Variants in NCALD observed in about 807,000 individuals in gnomAD.
NCALD encodes the protein neurocalcin delta.
A neutral mutation model predicts 18.6 loss-of-function variants in NCALD; 10 were observed. The observed-to-expected ratio is 0.54, with a 90% CI of 0.33 to 0.91. The LOEUF (loss-of-function observed/expected upper bound fraction) is 0.91. Ranked by LOEUF, NCALD falls within the 40% of genes least tolerant of loss-of-function variation. The pLI, the probability that NCALD is intolerant of heterozygous loss-of-function variation, is 0.03. For missense variants in NCALD, 184 were observed against 247.6 expected (o/e 0.74, Z 1.72); for synonymous variants, 88 against 87.4 (o/e 1.01, Z -0.04).
intron 1 of NCALD, among the ~76,000 whole-genome samples, chr8:101,724,565 T>C (rs1021366679): frequency 2.6e-5 from 4 of 152,212 alleles, no homozygotes; most frequent in African/African-American, 9.6e-5. Context: ...ATGTGAGAGT[T>C]AAATGAGACA....
At chr8:101,940,263 G>A (rs182199525) in intron 2 of NCALD, among the ~76,000 whole-genome samples, 70 of 152,234 alleles carry the variant, frequency 4.6e-4, no homozygotes, top group African/African-American at 1.7e-3. Flanking sequence ...ATTCCCTTAG[G>A]TGGCAATAGG....
intron 2 of NCALD, among the ~76,000 whole-genome samples, chr8:101,701,277 T>C (rs542701417): frequency 6.6e-6 from 1 of 152,344 alleles, no homozygotes; most frequent in Admixed American, 6.5e-5. Flanking sequence ...TGTCTTTTAC[T>C]AGCTTCAGTC....
At chr8:102,102,070 T>TG (rs1825301190) in intron 1 of NCALD, among the ~76,000 whole-genome samples, 1 of 152,212 alleles carries the variant, frequency 6.6e-6, no homozygotes, top group Non-Finnish European at 1.5e-5. Flanking sequence ...GTAGTGTTTT[T>TG]CTTATTATTG....
intron 2 of NCALD, among the ~76,000 whole-genome samples, chr8:101,922,151 A>T (rs2131657165): frequency 6.9e-6 from 1 of 144,498 alleles, no homozygotes; most frequent in South Asian, 2.1e-4. Context: ...TTGAGATTTT[A>T]CTGAAAAAAA....
At chr8:101,791,465 T>C (rs1021730847), upstream of NCALD, among the ~76,000 whole-genome samples, 2 of 151,984 alleles carry the variant, frequency 1.3e-5, no homozygotes, top group Admixed American at 6.6e-5. Context: ...TGGAAGAAAA[T>C]GTATTTTAAA....
intron 4 of NCALD, among the ~76,000 whole-genome samples, chr8:101,845,683 C>T (rs549318069): frequency 8.5e-5 from 13 of 152,260 alleles, no homozygotes; most frequent in Non-Finnish European, 1.6e-4. Flanking sequence ...TGGAACATTC[C>T]AAATCTTCTC....
At chr8:101,911,339 TCTC>T (rs1346165019) in intron 3 of NCALD, among the ~76,000 whole-genome samples, 1 of 149,496 alleles carries the variant, frequency 6.7e-6, no homozygotes, top group Non-Finnish European at 1.5e-5. Context: ...CTTATGAATT[TCTC>T]TTTTCTTTTT....
chr8:101,931,432 A>G (rs1818568137), intron 2 of NCALD, among the ~76,000 whole-genome samples: 1 of 152,166 alleles, frequency 6.6e-6, no homozygotes, highest in Non-Finnish European at 1.5e-5. Flanking sequence ...AAATTCTACC[A>G]AGGCAATACC....
intron 1 of NCALD, among the ~76,000 whole-genome samples, chr8:102,119,289 G>A (rs1825877828): frequency 6.6e-6 from 1 of 152,026 alleles, no homozygotes; most frequent in Non-Finnish European, 1.5e-5. Context: ...TGATCTCTGG[G>A]GACATTATTA....
At chr8:101,751,911 ATTAT>A (rs1810677059) in intron 1 of NCALD, among the ~76,000 whole-genome samples, 1 of 152,214 alleles carries the variant, frequency 6.6e-6, no homozygotes, top group African/African-American at 2.4e-5. Context: ...GACCACGAAT[ATTAT>A]TTATTTCCAA....
chr8:101,988,399 G>C (rs1820909834), intron 2 of NCALD, among the ~76,000 whole-genome samples: 1 of 152,160 alleles, frequency 6.6e-6, no homozygotes. Flanking sequence ...CCAGACTTTA[G>C]AGCCAGATCA....
At chr8:101,897,658 C>G (rs1439187205) in intron 3 of NCALD, among the ~76,000 whole-genome samples, 2 of 151,876 alleles carry the variant, frequency 1.3e-5, no homozygotes, top group African/African-American at 4.8e-5. Context: ...TTTTCACATT[C>G]CAAAGTTTAT....
At chr8:101,852,532 C>G (rs1815140575) in intron 4 of NCALD, 1 of 152,236 alleles carries the variant, frequency 6.6e-6, no homozygotes, top group African/African-American at 2.4e-5. Flanking sequence ...GCCATTCAGT[C>G]TCCATCTTTG....
At chr8:102,122,181 A>G (rs896232275) in intron 1 of NCALD, among the ~76,000 whole-genome samples, 1 of 152,206 alleles carries the variant, frequency 6.6e-6, no homozygotes, top group Non-Finnish European at 1.5e-5. Context: ...GCTGCCAAGA[A>G]TGCATAGGAG....
chr8:102,057,833 A>G (rs1823707410), intron 1 of NCALD, among the ~76,000 whole-genome samples: 1 of 152,222 alleles, frequency 6.6e-6, no homozygotes, highest in Admixed American at 6.5e-5. Context: ...ACTCACATTC[A>G]AGGTACTTTT....
chr8:102,078,705 T>A (rs1824428218), intron 1 of NCALD, among the ~76,000 whole-genome samples: 1 of 152,240 alleles, frequency 6.6e-6, no homozygotes, highest in Non-Finnish European at 1.5e-5. Flanking sequence ...GCTCTGCCCA[T>A]GATTCAAGTC....
At chr8:101,792,258 TTGTGTCAC>T (rs1812474606), upstream of NCALD, among the ~76,000 whole-genome samples, 1 of 152,160 alleles carries the variant, frequency 6.6e-6, no homozygotes, top group African/African-American at 2.4e-5. Flanking sequence ...CAGATTACAT[TTGTGTCAC>T]TGTAAAAGAA....
chr8:101,808,630 A>T (rs1241232066), intron 4 of NCALD, among the ~76,000 whole-genome samples: 1 of 152,154 alleles, frequency 6.6e-6, no homozygotes, highest in East Asian at 1.9e-4. Context: ...AGCTTCCAGA[A>T]TTTTCCTTAA....
rs529677476 is a variant in NCALD at position 101,759,745 on chromosome 8, C to T, written c.-20+31117G>A. On this transcript the variant is annotated intron_variant, in intron 1 of 3. Coordinates refer to ENST00000220931, the MANE Select transcript of NCALD (RefSeq NM_032041.3). The stretch of plus-strand genomic sequence containing the variant: ...AGACTGAATTTCCAGGAGCTACAGT[C>T]ACTTCCTTTGTGCAAAAAATATAAA... Among the ~76,000 whole-genome samples, 5 of 152,272 alleles carry T rather than the reference C, an allele frequency of 3.3e-5. No individual in the cohort carries two copies. In the South Asian group the frequency reaches 1.0e-3, roughly 32 times the overall value.
Sources: gnomAD v4.1 joint callset for allele counts (sites outside exome capture counted in the v4.1 genomes callset) on GRCh38, gnomAD v4.1.1 for gene constraint, MANE v1.5 for transcripts, NCBI Gene and HGNC (gene_info 2026-07-23, HGNC 2026-07-21) for gene names.